PPM1H: variants seen among roughly 807,000 people sequenced by gnomAD.
PPM1H encodes the protein protein phosphatase 1H.
A neutral mutation model predicts 54.9 loss-of-function variants in PPM1H; 27 were observed. The observed-to-expected ratio is 0.49, with a 90% CI of 0.36 to 0.68. The LOEUF is 0.68. PPM1H is among the 30% of genes least tolerant of loss of function. The pLI, the probability that PPM1H is intolerant of heterozygous loss-of-function variation, is 0.00. For missense variants in PPM1H, 596 were observed against 667.8 expected, an observed-to-expected ratio of 0.89 and a Z score of 1.19; for synonymous variants, 305 against 270.8, an observed-to-expected ratio of 1.13 and a Z score of -1.24.
rs190662340 is a variant in PPM1H at position 62,688,852 on chromosome 12, T to C, written c.1245+847A>G. Among the ~76,000 whole-genome samples the C allele has an allele frequency of 6.3e-3, 964 of 152,006 alleles. 8 individuals carry two copies. Among genetic ancestry groups the C allele is most frequent in the African/African-American group, 0.022 (918 of 41,458 alleles). ...CTCTACTAAAAATACAAAAATTAGC[T>C]GGGTATGGTGGTGTGTGCCTGTAGT... On this transcript the variant is annotated intron_variant, in intron 8 of 9. Transcript: ENST00000228705.
At chr12:62,850,841 T>C (rs1869157220) in intron 1 of PPM1H, 1 of 151,914 alleles carries the variant, frequency 6.6e-6, no homozygotes, top group Admixed American at 6.6e-5. Flanking sequence ...GTGCAATGGA[T>C]AAACCTCGCC....
chr12:62,683,271 C>T (rs756534583), intron 8 of PPM1H, among the ~76,000 whole-genome samples: 3 of 151,844 alleles, frequency 2.0e-5, no homozygotes, highest in Non-Finnish European at 4.4e-5. Flanking sequence ...CTCCAGAAGC[C>T]GGTGGGGAAG....
intron 6 of PPM1H, among the ~76,000 whole-genome samples, chr12:62,711,311 T>G (rs1416495276): frequency 6.6e-6 from 1 of 152,192 alleles, no homozygotes; most frequent in Non-Finnish European, 1.5e-5. Flanking sequence ...ATTATTAGCT[T>G]CATTTTACAA....
intron 2 of PPM1H, among the ~76,000 whole-genome samples, chr12:62,804,884 C>T (rs1015435227): frequency 7.3e-5 from 11 of 151,590 alleles, no homozygotes; most frequent in Non-Finnish European, 1.3e-4. Flanking sequence ...ACCGTTTTAG[C>T]TGGGATGGTC....
At chr12:62,693,696 A>G (rs1373425408) in intron 7 of PPM1H, among the ~76,000 whole-genome samples, 2 of 152,034 alleles carry the variant, frequency 1.3e-5, no homozygotes, top group African/African-American at 2.4e-5. Flanking sequence ...GGGAAGGGGG[A>G]CTTTATTTTC....
At chr12:62,685,835 T>G (rs577956441) in intron 8 of PPM1H, among the ~76,000 whole-genome samples, 8 of 152,316 alleles carry the variant, frequency 5.3e-5, no homozygotes, top group Non-Finnish European at 1.2e-4. Context: ...GCTTAGTCAT[T>G]CCATAATGTA....
At position 62,900,426 on chromosome 12, in the gene PPM1H, A is replaced by G. The variant is rs551197004; in HGVS notation, c.245+34066T>C. On this transcript the variant is annotated intron_variant, in intron 1 of 9. Coordinates refer to ENST00000228705, the MANE Select transcript of PPM1H (RefSeq NM_020700.2). ...GGGGAGGGATAGTATTAGGAGATAT[A>G]CCTAATGTAAATGATGAGTTAATGG... Among the ~76,000 whole-genome samples, 4 of 152,110 alleles carry G rather than the reference A, an allele frequency of 2.6e-5. No individual in the cohort carries two copies. The South Asian group carries it at 8.3e-4, about 32-fold the overall frequency.
chr12:62,677,242 T>C (rs187744521), intron 8 of PPM1H, among the ~76,000 whole-genome samples: 1 of 152,220 alleles, frequency 6.6e-6, no homozygotes. Flanking sequence ...CAGTTGCCCA[T>C]GTACCTCATT....
chr12:62,805,787 TTTAG>T (rs1356424377), intron 2 of PPM1H, among the ~76,000 whole-genome samples: 2 of 152,176 alleles, frequency 1.3e-5, no homozygotes, highest in African/African-American at 2.4e-5. Flanking sequence ...GTATGGTGAC[TTTAG>T]TTAGTAACAC....
chr12:62,780,596 G>A (rs928310143), intron 4 of PPM1H, among the ~76,000 whole-genome samples: 17 of 152,206 alleles, frequency 1.1e-4, no homozygotes, highest in African/African-American at 1.4e-4. Flanking sequence ...ATGAGCCACC[G>A]TAACTGACTG....
At chr12:62,768,318 G>C (rs959364425) in intron 4 of PPM1H, among the ~76,000 whole-genome samples, 1 of 152,108 alleles carries the variant, frequency 6.6e-6, no homozygotes, top group African/African-American at 2.4e-5. Flanking sequence ...TATCATGAGG[G>C]GGAAATGCAG....
At chr12:62,898,934 C>T (rs1871077715) in intron 1 of PPM1H, among the ~76,000 whole-genome samples, 2 of 152,192 alleles carry the variant, frequency 1.3e-5, no homozygotes, top group Admixed American at 6.5e-5. Flanking sequence ...GGTTCAGACA[C>T]TGGGAAGGCC....
At position 62,929,344 on chromosome 12, in the gene PPM1H, A is replaced by C. The variant is rs189820189; in HGVS notation, c.245+5148T>G. Among the ~76,000 whole-genome samples, 12 of 152,316 alleles carry C rather than the reference A, an allele frequency of 7.9e-5. No homozygotes were observed. The East Asian group carries it at 2.3e-3, about 29-fold the overall frequency. ...ATGAATGATTATTTCCTGAAAAATG[A>C]TAGCAAAAATTCAAGGGGACAAGCT... On this transcript the variant is annotated intron_variant, in intron 1 of 9. Transcript: ENST00000228705.
intron 4 of PPM1H, among the ~76,000 whole-genome samples, chr12:62,750,387 A>G (rs1415716246): frequency 6.6e-6 from 1 of 152,218 alleles, no homozygotes; most frequent in Non-Finnish European, 1.5e-5. Context: ...CATGGTCTTT[A>G]TGACTGGTTT....
chr12:62,762,981 AT>A (rs56064801), intron 4 of PPM1H, among the ~76,000 whole-genome samples: 4 of 151,188 alleles, frequency 2.6e-5, no homozygotes, highest in Non-Finnish European at 2.9e-5. Context: ...GAAAGAAACT[AT>A]TTTTTTTTCC....
At chr12:62,817,459 C>G (rs2076877542) in intron 2 of PPM1H, among the ~76,000 whole-genome samples, 1 of 144,180 alleles carries the variant, frequency 6.9e-6, no homozygotes, top group Admixed American at 6.7e-5. Context: ...GAGACCCTGT[C>G]TCAAAAAAAA....
intron 4 of PPM1H, among the ~76,000 whole-genome samples, chr12:62,752,733 T>C (rs565927624): frequency 8.5e-5 from 13 of 152,302 alleles, no homozygotes; most frequent in South Asian, 4.1e-4. Context: ...CTCTTACAAC[T>C]GTCCAAGTAA....
At chr12:62,864,279 A>G (rs1259825828) in intron 1 of PPM1H, among the ~76,000 whole-genome samples, 24 of 152,262 alleles carry the variant, frequency 1.6e-4, no homozygotes, top group Admixed American at 1.6e-3. Context: ...TTGCAGTAAT[A>G]AAGTTGGGTA....
chr12:62,715,581 A>G (rs559588088), intron 6 of PPM1H, among the ~76,000 whole-genome samples: 5 of 151,628 alleles, frequency 3.3e-5, no homozygotes, highest in South Asian at 4.2e-4. Context: ...TGAGGGTGGG[A>G]AAAAAAAGGA....
Sources: allele counts gnomAD v4.1 joint callset (sites outside exome capture counted in the v4.1 genomes callset), GRCh38; gene constraint gnomAD v4.1.1; transcripts MANE v1.5; gene names NCBI Gene and HGNC (gene_info 2026-07-23, HGNC 2026-07-21).